The following SNX32 variants were observed in gnomAD, a reference collection of about 807,000 sequenced individuals.
SNX32 encodes sorting nexin-32.
SNX32 carries 58 observed loss-of-function variants against 57.0 expected under a neutral mutation model. The ratio of observed to expected loss-of-function variants is 1.02; its 90% CI spans 0.82 to 1.27. SNX32 has a LOEUF of 1.27. SNX32 is among the 50% of genes most tolerant of loss of function. The probability of loss-of-function intolerance (pLI) is 0.00; values close to 1 mark genes in which losing one functional copy is unlikely to be tolerated. For missense variants in SNX32, 589 were observed against 541.2 expected (o/e 1.09, Z -0.88); for synonymous variants, 262 against 220.4 (o/e 1.19, Z -1.67).
Position 65,850,167 on chromosome 11 carries a change from G to A in SNX32, c.270G>A (p.Pro90=), listed in dbSNP as rs376363315. 49 of 1,614,078 alleles carry A rather than the reference G, an allele frequency of 3.0e-5. No individual in the cohort carries two copies. In the Admixed American group the frequency reaches 6.8e-4, roughly 23 times the overall value. The change falls in exon 4 of 13, where the codon CCG becomes CCA. Residue 90 remains proline, a synonymous_variant. Coordinates refer to ENST00000308342, the MANE Select transcript of SNX32 (RefSeq NM_152760.3). Reference sequence around the variant, plus strand: ...TTGAGCAGATCCCCCCAGCCCCTCCGAGGCCAGACTTTGAGGCTTCGAGGG... The same window carrying A: ...TTGAGCAGATCCCCCCAGCCCCTCCAAGGCCAGACTTTGAGGCTTCGAGGG... ...YAGLIIPPAP[P]RPDFEASREK...
intron 1 of SNX32, among the ~76,000 whole-genome samples, chr11:65,844,979 A>G (rs1316956010): frequency 1.3e-5 from 2 of 151,180 alleles, no homozygotes; most frequent in Non-Finnish European, 2.9e-5. Context: ...AAAAAAAAAA[A>G]AAGTCTTCTA....
intron 1 of SNX32, among the ~76,000 whole-genome samples, chr11:65,835,964 C>T (rs1333249809): frequency 1.3e-5 from 2 of 152,164 alleles, no homozygotes; most frequent in African/African-American, 4.8e-5. Context: ...AGGGCATATA[C>T]ATGAAATGGT....
intron 8 of SNX32, 92 bp from the exon 9 acceptor site, chr11:65,851,548 G>A: frequency 2.6e-6 from 4 of 1,548,594 alleles, no homozygotes; most frequent in South Asian, 1.1e-5. Context: ...GAAGGAAAGG[G>A]GAGAGGGAGA....
At chr11:65,848,727 C>T (rs965388153) in intron 1 of SNX32, among the ~76,000 whole-genome samples, 3 of 152,176 alleles carry the variant, frequency 2.0e-5, no homozygotes, top group East Asian at 1.9e-4. Flanking sequence ...TGGCAACCCC[C>T]GCAAAAGAGG....
At chr11:65,838,125 C>T (rs2134688133) in intron 1 of SNX32, among the ~76,000 whole-genome samples, 1 of 151,460 alleles carries the variant, frequency 6.6e-6, no homozygotes, top group South Asian at 2.1e-4. Flanking sequence ...CATTTCACTC[C>T]AGCCTGGGTG....
At chr11:65,834,544 CTG>C (rs370562328) in intron 1 of SNX32, among the ~76,000 whole-genome samples, 3,525 of 145,306 alleles carry the variant, frequency 0.024, 144 homozygotes, top group African/African-American at 0.085. Flanking sequence ...CTGTGCATGT[CTG>C]TGTGTGTGTG....
chr11:65,834,726 G>A (rs1858612395), intron 1 of SNX32, among the ~76,000 whole-genome samples: 1 of 149,804 alleles, frequency 6.7e-6, no homozygotes, highest in South Asian at 2.1e-4. Flanking sequence ...CTTTGTGTCT[G>A]AGTGTGTGTC....
chr11:65,849,893 G>GA (rs745624237), intron 2 of SNX32, 27 bp from the exon 3 acceptor site: 1 of 1,531,618 alleles, frequency 6.5e-7, no homozygotes, highest in Non-Finnish European at 8.8e-7. Flanking sequence ...GCAGAGAGAG[G>GA]ACCTCAGTTG....
chr11:65,847,140 G>A (rs1164549104), intron 1 of SNX32, among the ~76,000 whole-genome samples: 2 of 151,790 alleles, frequency 1.3e-5, no homozygotes, highest in East Asian at 3.9e-4. Flanking sequence ...CAAGTAGCTG[G>A]AACCACAGGC....
chr11:65,839,471 C>T (rs1415636850), intron 1 of SNX32, among the ~76,000 whole-genome samples: 8 of 146,748 alleles, frequency 5.5e-5, no homozygotes, highest in Non-Finnish European at 1.0e-4. Context: ...CCTCGTGATC[C>T]GCCCGCCTCG....
Position 65,850,272 on chromosome 11 carries a change from G to A in SNX32, c.374+1G>A, listed in dbSNP as rs747036673. 15 of 1,614,186 alleles carry A rather than the reference G, an allele frequency of 9.3e-6. No individual in the cohort carries two copies. The highest frequency in any genetic ancestry group is 6.7e-5 in the African/African-American group (5 of 75,058). On this transcript the variant is annotated splice_donor_variant, in intron 4 of 12. Transcript: ENST00000308342. LOFTEE classifies it high-confidence loss of function. ...CCAAGATGAAGCAGGAGCTGGAAGC[G>A]TGAGTGCCCCCTCCTTTCCCTGCCA...
intron 7 of SNX32, 44 bp downstream of exon 7, chr11:65,851,204 C>G: frequency 6.2e-7 from 1 of 1,603,546 alleles, no homozygotes; most frequent in Non-Finnish European, 8.5e-7. Flanking sequence ...GCCCCTCTCC[C>G]CAGCGGTTCA....
At chr11:65,844,344 C>T (rs573279052) in intron 1 of SNX32, among the ~76,000 whole-genome samples, 8 of 151,898 alleles carry the variant, frequency 5.3e-5, no homozygotes, top group African/African-American at 9.7e-5. Context: ...TCAATTGATA[C>T]GTGTACACAA....
At chr11:65,849,091 C>T (rs1030663513) in intron 1 of SNX32, among the ~76,000 whole-genome samples, 1 of 152,160 alleles carries the variant, frequency 6.6e-6, no homozygotes, top group African/African-American at 2.4e-5. Flanking sequence ...TTGCAGTGAG[C>T]TGAGATCGCG....
Position 65,849,471 on chromosome 11 carries a change from T to G in SNX32, c.37-7T>G. On this transcript the variant is annotated splice_polypyrimidine_tract_variant and splice_region_variant and intron_variant, in intron 1 of 12. Coordinates refer to ENST00000308342, the MANE Select transcript of SNX32 (RefSeq NM_152760.3). ...CAGCCAGGCCAGAGACCTCCCCTCCTCCGCAGCCTTCCTGTGCATCGGTGG... is the reference window on the plus strand; with the variant it reads ...CAGCCAGGCCAGAGACCTCCCCTCCGCCGCAGCCTTCCTGTGCATCGGTGG... 1 of 1,604,284 alleles carries G rather than the reference T, an allele frequency of 6.2e-7. No homozygotes were observed. The highest frequency in any genetic ancestry group is 8.5e-7 in the Non-Finnish European group (1 of 1,174,264).
At chr11:65,838,397 A>G (rs1858731489) in intron 1 of SNX32, among the ~76,000 whole-genome samples, 1 of 152,158 alleles carries the variant, frequency 6.6e-6, no homozygotes, top group Non-Finnish European at 1.5e-5. Context: ...AAGTAATTGT[A>G]TTTATTTTTT....
At chr11:65,841,179 C>T (rs1858830954) in intron 1 of SNX32, among the ~76,000 whole-genome samples, 3 of 150,996 alleles carry the variant, frequency 2.0e-5, no homozygotes, top group Admixed American at 2.0e-4. Context: ...CTCCTGAGCT[C>T]AGGTGATCCA....
In SNX32 at chr11:65,839,225, A is replaced by AT. The variant is rs1168882508; in HGVS notation, c.36+5146dup. ...CACCACGCCCAGCTAATTTTTTTGT[A>AT]TTTTTTTTTTTTTTTTTTTTTTGAG... On this transcript the variant is annotated intron_variant, in intron 1 of 12. Transcript: ENST00000308342. Among the ~76,000 whole-genome samples the AT allele has an allele frequency of 6.9e-4, 19 of 27,640 alleles. 3 individuals are homozygous for AT. The highest frequency in any genetic ancestry group is 2.7e-3 in the African/African-American group (18 of 6,630). The allele number at this position is 27,640 out of a possible 152,430, so 18.1% of individuals were successfully genotyped here.
chr11:65,852,781 C>G lies in SNX32; in HGVS notation c.1064C>G (p.Ala355Gly). The G allele has an allele frequency of 3.1e-6, 5 of 1,610,144 alleles. No individual in the cohort carries two copies. The highest frequency in any genetic ancestry group is 4.2e-6 in the Non-Finnish European group (5 of 1,178,032). ...CQRFERLSDS[A>G]KQELMDFKSR... ...CGCTTCGAGCGCCTCTCCGACTCCG[C>G]CAAGCAAGGTGAGCCCGCAGCCCCC... Residue 355 changes from alanine to glycine, a missense_variant, in exon 11 of 13, where the codon GCC becomes GGC. Physicochemically the swap from Ala to Gly is moderately conservative, Grantham distance 60. Transcript: ENST00000308342.
Sources: gnomAD v4.1 joint callset for allele counts (sites outside exome capture counted in the v4.1 genomes callset) on GRCh38, gnomAD v4.1.1 for gene constraint, MANE v1.5 for transcripts, NCBI Gene and HGNC (gene_info 2026-07-23, HGNC 2026-07-21) for gene names.